ADD1: variants seen among roughly 807,000 people sequenced by gnomAD.
ADD1 encodes adducin 1.
In ADD1, 24 loss-of-function variants were observed where a neutral mutation model predicts 80.5. That is an observed-to-expected ratio of 0.30 (90% confidence interval 0.22 to 0.42). The LOEUF (loss-of-function observed/expected upper bound fraction) is 0.42, where lower values mean the gene tolerates loss of function less well. Ranked by LOEUF, ADD1 falls within the 10% of genes least tolerant of loss-of-function variation. The probability of loss-of-function intolerance (pLI) is 1.00; values close to 1 mark genes in which losing one functional copy is unlikely to be tolerated. For missense variants in ADD1, 948 were observed against 1,019.0 expected, an observed-to-expected ratio of 0.93 and a Z score of 0.95; for synonymous variants, 373 against 393.8, an observed-to-expected ratio of 0.95 and a Z score of 0.63.
chr4:2,919,747 C>G (rs1404276588), intron 14 of ADD1, among the ~76,000 whole-genome samples: 1 of 151,632 alleles, frequency 6.6e-6, no homozygotes, highest in East Asian at 1.9e-4. Context: ...ATTAGTCTGG[C>G]TAAATGGTCT....
At position 2,899,380 on chromosome 4, in the gene ADD1, A is replaced by G. The variant is rs749482838; in HGVS notation, c.1106A>G (p.Lys369Arg). 23 of 1,614,088 alleles carry G rather than the reference A, an allele frequency of 1.4e-5. 1 individual carries two copies. Among genetic ancestry groups the G allele is most frequent in the South Asian group, 3.3e-5 (3 of 91,086 alleles). ...PVGEGTGSPP[K>R]WQIGEQEFEA... ...GGGGAAGGCACTGGATCGCCTCCCA[A>G]GTGGCAGATTGGTGAGCAGGAATTT... The change falls in exon 9 of 16, where the codon AAG becomes AGG. Residue 369 changes from lysine (K) to arginine (R), a missense_variant. Coordinates refer to ENST00000683351, the MANE Select transcript of ADD1 (RefSeq NM_001354761.2).
intron 1 of ADD1, among the ~76,000 whole-genome samples, chr4:2,852,278 C>CTTCTTTTCTTTTCTT (rs58878174): frequency 1.8e-5 from 2 of 111,296 alleles, no homozygotes; most frequent in African/African-American, 7.0e-5. Flanking sequence ...TCCTTCCTTC[C>CTTCTTTTCTTTTCTT]TTCTTTTCTT....
chr4:2,895,638 C>T (rs561382510), intron 6 of ADD1, among the ~76,000 whole-genome samples: 17 of 152,230 alleles, frequency 1.1e-4, no homozygotes, highest in Non-Finnish European at 2.2e-4. Context: ...CAGGCTGTTA[C>T]GAGGCTTAGC....
intron 14 of ADD1, among the ~76,000 whole-genome samples, chr4:2,923,837 C>T (rs989351539): frequency 2.2e-4 from 33 of 152,222 alleles, no homozygotes; most frequent in Non-Finnish European, 5.9e-5. Context: ...CAGGGCGGCT[C>T]GCGAGAACGA....
intron 14 of ADD1, among the ~76,000 whole-genome samples, 156 bp from the exon 15 acceptor site, chr4:2,925,858 C>G (rs968918504): frequency 6.6e-6 from 1 of 152,230 alleles, no homozygotes; most frequent in Non-Finnish European, 1.5e-5. Flanking sequence ...TCACAGCTTC[C>G]TTTATCCTCT....
chr4:2,909,538 C>T (rs1373651581), intron 13 of ADD1, 107 bp downstream of exon 13: 1 of 780,836 alleles, frequency 1.3e-6, no homozygotes, highest in African/African-American at 1.8e-5. Context: ...GAAGTAGCTT[C>T]AAATGGATCT....
chr4:2,852,559 G>C (rs1480328985), intron 1 of ADD1, among the ~76,000 whole-genome samples: 1 of 151,620 alleles, frequency 6.6e-6, no homozygotes, highest in Non-Finnish European at 1.5e-5. Flanking sequence ...TCTGAGCAAC[G>C]TCTCCAGGGA....
At chr4:2,897,515 C>G (rs1735441148) in intron 6 of ADD1, among the ~76,000 whole-genome samples, 1 of 140,984 alleles carries the variant, frequency 7.1e-6, no homozygotes, top group African/African-American at 2.6e-5. Flanking sequence ...TACAGAAAAA[C>G]TTTAGAGCAC....
At chr4:2,917,433 C>G (rs189699817) in intron 14 of ADD1, among the ~76,000 whole-genome samples, 2 of 152,136 alleles carry the variant, frequency 1.3e-5, no homozygotes, top group Admixed American at 1.3e-4. Context: ...GATATGAGCC[C>G]TTTGTCAGAT....
chr4:2,863,760 G>A (rs1577464747), intron 1 of ADD1, among the ~76,000 whole-genome samples: 1 of 151,886 alleles, frequency 6.6e-6, no homozygotes, highest in South Asian at 2.1e-4. Flanking sequence ...TAAGAGATAG[G>A]GTCTCACTGT....
chr4:2,917,575 T>G (rs1739299700), intron 14 of ADD1, among the ~76,000 whole-genome samples: 2 of 152,254 alleles, frequency 1.3e-5, no homozygotes, highest in African/African-American at 4.8e-5. Context: ...TTGCCATTGC[T>G]TTTGGTGTTT....
chr4:2,906,557 T>A (rs1018940671), intron 10 of ADD1, among the ~76,000 whole-genome samples: 1 of 152,238 alleles, frequency 6.6e-6, no homozygotes, highest in Admixed American at 6.5e-5. Context: ...AATGTGTACA[T>A]CCAAGGGGAG....
chr4:2,891,041 T>G (rs562004840), intron 4 of ADD1, among the ~76,000 whole-genome samples: 1 of 152,116 alleles, frequency 6.6e-6, no homozygotes, highest in South Asian at 2.1e-4. Context: ...TCCCAACACT[T>G]TTGGAGGCCA....
intron 1 of ADD1, among the ~76,000 whole-genome samples, chr4:2,872,043 G>T (rs1730535978): frequency 6.6e-6 from 1 of 152,204 alleles, no homozygotes; most frequent in African/African-American, 2.4e-5. Flanking sequence ...TGTGGGGGTT[G>T]TTAAGAGACT....
At chr4:2,877,036 T>C (rs77985186) in intron 2 of ADD1, among the ~76,000 whole-genome samples, 4,940 of 150,928 alleles carry the variant, frequency 0.033, 119 homozygotes, top group African/African-American at 0.068. Flanking sequence ...CTCAGTCTCC[T>C]GGGTGTATGG....
intron 14 of ADD1, among the ~76,000 whole-genome samples, chr4:2,925,522 A>G (rs947361297): frequency 6.6e-6 from 1 of 152,224 alleles, no homozygotes; most frequent in South Asian, 2.1e-4. Flanking sequence ...TTTCACTTTA[A>G]AAAGTAAAAA....
intron 1 of ADD1, among the ~76,000 whole-genome samples, chr4:2,849,714 TA>T (rs1275685736): frequency 6.6e-6 from 1 of 152,336 alleles, no homozygotes; most frequent in East Asian, 1.9e-4. Context: ...GTTCCTTACC[TA>T]AAAAATGTTT....
chr4:2,861,574 G>A (rs1167307351), intron 1 of ADD1, among the ~76,000 whole-genome samples: 1 of 152,138 alleles, frequency 6.6e-6, no homozygotes, highest in African/African-American at 2.4e-5. Context: ...GAAGAGTTTA[G>A]GGCTAGAGAT....
chr4:2,916,223 G>C (rs1217973747), intron 14 of ADD1, among the ~76,000 whole-genome samples: 2 of 149,550 alleles, frequency 1.3e-5, no homozygotes, highest in South Asian at 2.1e-4. Context: ...TTGAGATGAA[G>C]TCTTGCTCTG....
Sources: gnomAD v4.1 joint callset for allele counts (sites outside exome capture counted in the v4.1 genomes callset) on GRCh38, gnomAD v4.1.1 for gene constraint, MANE v1.5 for transcripts, NCBI Gene and HGNC (gene_info 2026-07-23, HGNC 2026-07-21) for gene names.